UBE3D: variants seen among roughly 807,000 people sequenced by gnomAD.
UBE3D encodes the protein E3 ubiquitin-protein ligase E3D.
UBE3D carries 48 observed loss-of-function variants against 49.6 expected under a neutral mutation model. The ratio of observed to expected loss-of-function variants is 0.97; its 90% CI spans 0.77 to 1.23. The LOEUF is 1.23. UBE3D is among the 50% of genes most tolerant of loss of function. The probability of loss-of-function intolerance (pLI) is 0.00; values close to 1 mark genes in which losing one functional copy is unlikely to be tolerated. For missense variants in UBE3D, 452 were observed against 468.4 expected (o/e 0.96, Z 0.32); for synonymous variants, 189 against 174.2 (o/e 1.08, Z -0.67).
In UBE3D at chr6:83,027,164, G is replaced by A. The variant is rs977269653; in HGVS notation, c.668-3126C>T. Among the ~76,000 whole-genome samples the A allele has an allele frequency of 5.9e-5, 9 of 151,874 alleles. No homozygotes were observed. The South Asian group carries it at 8.3e-4, about 14-fold the overall frequency. On this transcript the variant is annotated intron_variant, in intron 5 of 9. Coordinates refer to ENST00000369747, the MANE Select transcript of UBE3D (RefSeq NM_198920.3). ...CATAAGAAACCACTATGGGCTGGGC[G>A]CAGTGGCTCACGCCTGTAATCCCAG...
intron 5 of UBE3D, among the ~76,000 whole-genome samples, chr6:83,025,307 T>A (rs1004819885): frequency 1.3e-5 from 2 of 152,294 alleles, no homozygotes; most frequent in South Asian, 2.1e-4. Flanking sequence ...GGTTATCTGA[T>A]TGCTTACAGA....
intron 8 of UBE3D, among the ~76,000 whole-genome samples, chr6:83,015,192 T>C (rs190481578): frequency 1.3e-5 from 2 of 152,326 alleles, no homozygotes; most frequent in African/African-American, 4.8e-5. Flanking sequence ...TCTTCAAAGA[T>C]GAAGGTGCTG....
At chr6:82,936,366 A>G (rs1774575914) in intron 9 of UBE3D, among the ~76,000 whole-genome samples, 1 of 152,238 alleles carries the variant, frequency 6.6e-6, no homozygotes, top group Non-Finnish European at 1.5e-5. Context: ...GATGGTTCAA[A>G]TGATCAATGT....
chr6:83,029,840 C>T (rs1781743292), intron 5 of UBE3D, among the ~76,000 whole-genome samples: 1 of 152,012 alleles, frequency 6.6e-6, no homozygotes, highest in South Asian at 2.1e-4. Flanking sequence ...TTTTTTTAGT[C>T]TGGCTCCCTA....
Position 83,022,555 on chromosome 6 carries a change from C to A in UBE3D, c.744G>T (p.Trp248Cys). 6.3e-7 allele frequency: 1 copy of A among 1,574,850 alleles called. No homozygotes were observed. Among genetic ancestry groups the A allele is most frequent in the African/African-American group, 1.4e-5 (1 of 72,312 alleles). Residue 248 changes from tryptophan to cysteine, a missense_variant, in exon 7 of 10, where the codon TGG becomes TGT. Coordinates refer to ENST00000369747, the MANE Select transcript of UBE3D (RefSeq NM_198920.3). The part of the protein sequence containing the change: ...ERSFPIIPRS[W>C]FVQSVIAQCL... Reference sequence around the variant, plus strand: ...ACTGGGCGATCACGCTCTGGACAAACCAAGACCTGTTTGAACAGAAATCAA... The same window carrying A: ...ACTGGGCGATCACGCTCTGGACAAAACAAGACCTGTTTGAACAGAAATCAA...
chr6:83,025,161 C>T (rs1299192200), intron 5 of UBE3D, among the ~76,000 whole-genome samples: 1 of 152,186 alleles, frequency 6.6e-6, no homozygotes, highest in African/African-American at 2.4e-5. Context: ...ACCTACCTTG[C>T]CTTTGATGTT....
At chr6:82,909,541 A>ATT (rs535251215) in intron 9 of UBE3D, among the ~76,000 whole-genome samples, 1 of 152,114 alleles carries the variant, frequency 6.6e-6, no homozygotes, top group African/African-American at 2.4e-5. Flanking sequence ...ACAGCTAAGA[A>ATT]TTTTTTTCCT....
At chr6:82,940,884 C>T (rs897577673) in intron 9 of UBE3D, among the ~76,000 whole-genome samples, 9 of 152,042 alleles carry the variant, frequency 5.9e-5, no homozygotes, top group Non-Finnish European at 8.8e-5. Context: ...TTTGTGTGTG[C>T]GTGTATAAGC....
At chr6:83,017,813 A>G (rs1780799375) in intron 8 of UBE3D, 1 of 152,180 alleles carries the variant, frequency 6.6e-6, no homozygotes, top group Non-Finnish European at 1.5e-5. Context: ...ATACAAGATC[A>G]CAACACTAAT....
Position 82,892,620 on chromosome 6 carries a change from C to T in UBE3D, c.*402G>A, listed in dbSNP as rs1290367559. 3 of 177,736 alleles carry T rather than the reference C, an allele frequency of 1.7e-5. No individual in the cohort carries two copies. Among genetic ancestry groups the T allele is most frequent in the South Asian group, 1.2e-4 (1 of 8,330 alleles). 11.0% of individuals were successfully genotyped at this position (177,736 alleles called of 1,614,324 possible). On this transcript the variant is annotated 3_prime_UTR_variant, in exon 10 of 10. Transcript: ENST00000369747. ...GAGAAACTCTTTAAAAGTTTATTTC[C>T]TAGGATTTACAGCAGTTAACATTCA...
At chr6:82,930,434 G>C (rs1484135221) in intron 9 of UBE3D, among the ~76,000 whole-genome samples, 2 of 152,186 alleles carry the variant, frequency 1.3e-5, no homozygotes, top group East Asian at 1.9e-4. Flanking sequence ...GGTTGGAATA[G>C]TTTGGCAGGC....
rs1390588725 is a variant in UBE3D at position 82,957,320 on chromosome 6, A to T, written c.1141T>A (p.Ser381Thr). 2 of 1,613,672 alleles carry T rather than the reference A, an allele frequency of 1.2e-6. No homozygotes were observed. Among genetic ancestry groups the T allele is most frequent in the Non-Finnish European group, 1.7e-6 (2 of 1,179,960 alleles). ...NLPSSLRRVN[S>T]FQVAFLKM The stretch of plus-strand genomic sequence containing the variant: ...AAGAAGCCATTGCTCACCTGAAAGG[A>T]ATTCACACGGCGAAGGGATGAAGGC... Residue 381 changes from serine to threonine, a missense_variant, in exon 9 of 10, where the codon TCC (serine) becomes ACC (threonine). Physicochemically the swap from Ser to Thr is moderately conservative, Grantham distance 58 (BLOSUM62 1). Transcript: ENST00000369747.
intron 8 of UBE3D, among the ~76,000 whole-genome samples, chr6:82,965,453 C>T (rs1213921378): frequency 6.6e-6 from 1 of 151,882 alleles, no homozygotes. Context: ...TGTGGTGGCG[C>T]ATGCCTGTAA....
chr6:83,064,637 T>A (rs922465222), intron 1 of UBE3D, among the ~76,000 whole-genome samples: 1 of 152,162 alleles, frequency 6.6e-6, no homozygotes, highest in Admixed American at 6.5e-5. Flanking sequence ...GGGTTTGGGT[T>A]CCTAATTACT....
At chr6:82,952,960 G>T (rs939227670) in intron 9 of UBE3D, among the ~76,000 whole-genome samples, 2 of 152,152 alleles carry the variant, frequency 1.3e-5, no homozygotes, top group African/African-American at 4.8e-5. Flanking sequence ...AGCAGCTCTT[G>T]CCCAGTCCTG....
chr6:83,017,274 T>C (rs1280846200), intron 8 of UBE3D: 3 of 152,124 alleles, frequency 2.0e-5, no homozygotes, highest in South Asian at 2.1e-4. Context: ...ATTACTTACA[T>C]AATCATAATA....
chr6:82,994,782 A>T (rs1779129628), intron 8 of UBE3D, among the ~76,000 whole-genome samples: 1 of 152,222 alleles, frequency 6.6e-6, no homozygotes, highest in African/African-American at 2.4e-5. Flanking sequence ...CCAGGTGACT[A>T]GGAGAATCAT....
chr6:82,887,086 T>C, the UBE3D span, among the ~76,000 whole-genome samples: 1 of 151,902 alleles, frequency 6.6e-6, no homozygotes, highest in African/African-American at 2.4e-5. Flanking sequence ...GGTGGACCAC[T>C]TGAGGCCAGA....
intron 5 of UBE3D, among the ~76,000 whole-genome samples, chr6:83,029,806 T>A (rs1415895071): frequency 6.6e-6 from 1 of 152,218 alleles, no homozygotes; most frequent in Non-Finnish European, 1.5e-5. Flanking sequence ...ATGTAGCCAC[T>A]AATGTCTCTA....
Sources: allele counts gnomAD v4.1 joint callset (sites outside exome capture counted in the v4.1 genomes callset), GRCh38; gene constraint gnomAD v4.1.1; transcripts MANE v1.5; gene names NCBI Gene and HGNC (gene_info 2026-07-23, HGNC 2026-07-21).